Variants in CCSER2 observed in about 807,000 individuals in gnomAD.
CCSER2 encodes serine-rich coiled-coil domain-containing protein 2.
A neutral mutation model predicts 92.3 loss-of-function variants in CCSER2; 46 were observed. The observed-to-expected ratio is 0.50, with a 90% CI of 0.39 to 0.64. CCSER2 has a LOEUF of 0.64. Among genes scored for constraint, CCSER2 ranks in the 30% least tolerant of loss-of-function variants. CCSER2 has a pLI of 0.00. For missense variants in CCSER2, 1,244 were observed against 1,238.9 expected, an observed-to-expected ratio of 1.00 and a Z score of -0.06; for synonymous variants, 433 against 431.4, an observed-to-expected ratio of 1.00 and a Z score of -0.04.
At chr10:84,380,492 T>C (rs562084495) in intron 3 of CCSER2, among the ~76,000 whole-genome samples, 1 of 151,200 alleles carries the variant, frequency 6.6e-6, no homozygotes, top group East Asian at 1.9e-4. Context: ...AATGTTTTAC[T>C]TCATTGTTTT....
At chr10:84,512,224 T>C (rs759241480) in intron 9 of CCSER2, among the ~76,000 whole-genome samples, 2 of 152,144 alleles carry the variant, frequency 1.3e-5, no homozygotes, top group Admixed American at 6.5e-5. Flanking sequence ...GCCCCTTCTA[T>C]TGGGGAAATT....
At chr10:84,336,190 A>G (rs1427012024) in intron 1 of CCSER2, among the ~76,000 whole-genome samples, 1 of 152,198 alleles carries the variant, frequency 6.6e-6, no homozygotes, top group Non-Finnish European at 1.5e-5. Flanking sequence ...TTACATTCTA[A>G]ATTCCTTCAA....
intron 8 of CCSER2, among the ~76,000 whole-genome samples, chr10:84,471,488 G>A (rs1393950506): frequency 6.6e-6 from 1 of 152,066 alleles, no homozygotes; most frequent in Non-Finnish European, 1.5e-5. Context: ...ATTGTGTCTT[G>A]TGCAATTCAG....
chr10:84,400,782 C>T (rs1239739394), intron 3 of CCSER2, among the ~76,000 whole-genome samples: 4 of 151,918 alleles, frequency 2.6e-5, no homozygotes, highest in South Asian at 2.1e-4. Context: ...GGTGTGGTGG[C>T]GGGCACCTGT....
At chr10:84,503,624 A>G (rs1259483980) in intron 9 of CCSER2, among the ~76,000 whole-genome samples, 1 of 152,216 alleles carries the variant, frequency 6.6e-6, no homozygotes, top group Non-Finnish European at 1.5e-5. Flanking sequence ...TTACAGGAAT[A>G]CTTGACTTTT....
chr10:84,399,874 T>C (rs748210668), intron 3 of CCSER2, among the ~76,000 whole-genome samples: 50 of 151,754 alleles, frequency 3.3e-4, no homozygotes, highest in Non-Finnish European at 2.7e-4. Flanking sequence ...TTATGGAAAT[T>C]TCAAATATAT....
chr10:84,409,311 T>A (rs544850522), intron 3 of CCSER2, among the ~76,000 whole-genome samples: 49 of 125,280 alleles, frequency 3.9e-4, no homozygotes, highest in South Asian at 2.0e-3. Context: ...TTTAAAAAAA[T>A]TTTTTTTTTG....
chr10:84,407,281 A>G (rs1564634585), intron 3 of CCSER2, among the ~76,000 whole-genome samples: 3 of 151,924 alleles, frequency 2.0e-5, no homozygotes, highest in Non-Finnish European at 4.4e-5. Flanking sequence ...TGCTTCCATT[A>G]TTGTTTTATT....
rs1589525841 is a variant in CCSER2, at chr10:84,391,245, T to C, written c.1614+17430T>C. 1.1e-5 allele frequency: 15 copies of C among 1,356,110 alleles called. No homozygotes were observed. In the East Asian group the frequency reaches 3.4e-4, roughly 31 times the overall value. 84.0% of individuals were successfully genotyped at this position (1,356,110 alleles called of 1,614,324 possible). On this transcript the variant is annotated intron_variant, in intron 3 of 9. Coordinates refer to ENST00000372088, the MANE Select transcript of CCSER2 (RefSeq NM_001284240.2). ...CAATGAGGAAAACTTGCCCAAGCCATGCTAAACAATGCTCAACCAGATCAA... is the reference window on the plus strand; with the variant it reads ...CAATGAGGAAAACTTGCCCAAGCCACGCTAAACAATGCTCAACCAGATCAA...
chr10:84,344,038 C>G (rs1205879047), intron 1 of CCSER2, among the ~76,000 whole-genome samples: 1 of 152,172 alleles, frequency 6.6e-6, no homozygotes, highest in Non-Finnish European at 1.5e-5. Flanking sequence ...TATGCTGATG[C>G]TTGAGATGTG....
intron 8 of CCSER2, among the ~76,000 whole-genome samples, chr10:84,476,441 T>A (rs1490987805): frequency 8.2e-6 from 1 of 122,672 alleles, no homozygotes; most frequent in Non-Finnish European, 1.7e-5. Context: ...CTCTCTTTTT[T>A]TTTTTTTTTT....
At chr10:84,360,387 A>C (rs970552662) in intron 1 of CCSER2, among the ~76,000 whole-genome samples, 2 of 152,218 alleles carry the variant, frequency 1.3e-5, no homozygotes, top group Non-Finnish European at 2.9e-5. Flanking sequence ...TTTGAAATAC[A>C]AGAAGAGCAG....
chr10:84,391,531 A>G, intron 3 of CCSER2: 3 of 1,506,662 alleles, frequency 2.0e-6, no homozygotes, highest in Non-Finnish European at 2.8e-6. Flanking sequence ...ACCCAAATCC[A>G]GAATTCATTT....
At chr10:84,446,342 A>C (rs1489181375) in intron 6 of CCSER2, among the ~76,000 whole-genome samples, 1 of 152,192 alleles carries the variant, frequency 6.6e-6, no homozygotes, top group Non-Finnish European at 1.5e-5. Context: ...TAGTTTCATT[A>C]TTCCCTCCCC....
Position 84,513,524 on chromosome 10 carries a change from C to A in CCSER2, c.2401C>A (p.Arg801Ser). 2 of 1,614,070 alleles carry A rather than the reference C, an allele frequency of 1.2e-6. No homozygotes were observed. Among genetic ancestry groups the A allele is most frequent in the East Asian group, 2.2e-5 (1 of 44,884 alleles). Residue 801 changes from arginine to serine, a missense_variant, in exon 10 of 10, where the codon CGT (arginine) becomes AGT (serine). Transcript: ENST00000372088. ...HTQGKLIKPQRIEARSECSIQ... is the reference protein window; with the variant it reads ...HTQGKLIKPQSIEARSECSIQ... ...CCAGGGAAAACTAATAAAGCCACAA[C>A]GTATCGAGGCCCGCAGTGAATGCTC...
intron 3 of CCSER2, among the ~76,000 whole-genome samples, chr10:84,409,882 A>T (rs889556119): frequency 6.6e-5 from 10 of 152,270 alleles, no homozygotes; most frequent in Admixed American, 4.6e-4. Context: ...CCCAGCATCC[A>T]TTAGTTATTC....
chr10:84,419,233 GTT>G (rs958786512), intron 4 of CCSER2, among the ~76,000 whole-genome samples: 3 of 151,950 alleles, frequency 2.0e-5, no homozygotes, highest in Non-Finnish European at 4.4e-5. Context: ...TCTAAATAAA[GTT>G]AGATTTGGTT....
chr10:84,439,719 A>G (rs1431689340), intron 6 of CCSER2, among the ~76,000 whole-genome samples: 2 of 152,228 alleles, frequency 1.3e-5, no homozygotes, highest in Non-Finnish European at 2.9e-5. Flanking sequence ...TTTTGAGCTA[A>G]GGAACAAAAG....
At chr10:84,397,150 C>T (rs1303521592) in intron 3 of CCSER2, among the ~76,000 whole-genome samples, 1 of 152,132 alleles carries the variant, frequency 6.6e-6, no homozygotes, top group East Asian at 1.9e-4. Flanking sequence ...CTAGAACATT[C>T]CAGTGACTTT....
Sources: allele counts gnomAD v4.1 joint callset (sites outside exome capture counted in the v4.1 genomes callset), GRCh38; gene constraint gnomAD v4.1.1; transcripts MANE v1.5; gene names NCBI Gene and HGNC (gene_info 2026-07-23, HGNC 2026-07-21).